RALYL: variants seen among roughly 807,000 people sequenced by gnomAD.
RALYL encodes RNA-binding Raly-like protein.
A neutral mutation model predicts 35.1 loss-of-function variants in RALYL; 29 were observed. The ratio of observed to expected loss-of-function variants is 0.83; its 90% confidence interval spans 0.61 to 1.13. The LOEUF (loss-of-function observed/expected upper bound fraction) is 1.13. Ranked by LOEUF, RALYL falls within the 50% of genes most tolerant of loss-of-function variation. The pLI is 0.00. For missense variants in RALYL, 359 were observed against 360.4 expected, an observed-to-expected ratio of 1.00 and a Z score of 0.03; for synonymous variants, 120 against 127.6, an observed-to-expected ratio of 0.94 and a Z score of 0.40.
chr8:84,675,142 G>C (rs1016039227), intron 2 of RALYL, among the ~76,000 whole-genome samples: 24 of 152,032 alleles, frequency 1.6e-4, no homozygotes, highest in African/African-American at 5.8e-4. Context: ...TGCTGTTTGA[G>C]AAATACATTT....
chr8:84,696,608 A>G (rs1839195407), intron 2 of RALYL, among the ~76,000 whole-genome samples: 1 of 151,976 alleles, frequency 6.6e-6, no homozygotes, highest in Admixed American at 6.6e-5. Context: ...CATGATTTAA[A>G]AATATTAAAA....
chr8:84,796,397 A>G (rs890326209), intron 3 of RALYL, among the ~76,000 whole-genome samples: 2 of 152,172 alleles, frequency 1.3e-5, no homozygotes, highest in Admixed American at 1.3e-4. Flanking sequence ...TAGATCTCAG[A>G]ATTCACCTAC....
intron 1 of RALYL, among the ~76,000 whole-genome samples, chr8:84,452,968 T>C (rs2049679888): frequency 6.6e-6 from 1 of 151,974 alleles, no homozygotes; most frequent in East Asian, 1.9e-4. Context: ...CTCGTTTGAA[T>C]ACACTGCTTA....
chr8:84,605,372 C>A (rs534802327), intron 2 of RALYL, among the ~76,000 whole-genome samples: 1 of 152,156 alleles, frequency 6.6e-6, no homozygotes, highest in Admixed American at 6.5e-5. Flanking sequence ...TCCACAAAAA[C>A]CAACATTTGC....
chr8:84,636,875 T>C (rs1825177982), intron 2 of RALYL, among the ~76,000 whole-genome samples: 1 of 151,854 alleles, frequency 6.6e-6, no homozygotes, highest in African/African-American at 2.4e-5. Context: ...CAGTATCATG[T>C]TTCTTGCAGA....
At chr8:84,339,778 C>T (rs956005918) in intron 1 of RALYL, among the ~76,000 whole-genome samples, 4 of 151,968 alleles carry the variant, frequency 2.6e-5, no homozygotes, top group Non-Finnish European at 5.9e-5. Context: ...CTGAAATCGA[C>T]CTATGCCTCT....
intron 2 of RALYL, among the ~76,000 whole-genome samples, chr8:84,677,149 A>G (rs1293190397): frequency 6.6e-6 from 1 of 152,206 alleles, no homozygotes; most frequent in African/African-American, 2.4e-5. Flanking sequence ...GGAATGAAGA[A>G]GCCAAAAGAT....
intron 2 of RALYL, among the ~76,000 whole-genome samples, chr8:84,712,445 C>T (rs1336422567): frequency 6.7e-6 from 1 of 149,970 alleles, no homozygotes; most frequent in Non-Finnish European, 1.5e-5. Context: ...TATATTATCT[C>T]TCTCTCTTTC....
intron 2 of RALYL, among the ~76,000 whole-genome samples, chr8:84,687,354 A>T (rs926452576): frequency 1.3e-5 from 2 of 152,098 alleles, no homozygotes; most frequent in African/African-American, 4.8e-5. Context: ...AGTATTGTAT[A>T]TCTGTACTCA....
chr8:84,700,660 A>G (rs1840028962), intron 2 of RALYL, among the ~76,000 whole-genome samples: 1 of 152,172 alleles, frequency 6.6e-6, no homozygotes, highest in Admixed American at 6.6e-5. Context: ...AATAAAGTAA[A>G]ATGAGGTGTT....
intron 2 of RALYL, among the ~76,000 whole-genome samples, chr8:84,718,789 GA>G (rs1310178795): frequency 6.6e-6 from 1 of 151,888 alleles, no homozygotes; most frequent in East Asian, 1.9e-4. Context: ...AGAAAGAAAA[GA>G]AAATAAACGT....
intron 1 of RALYL, among the ~76,000 whole-genome samples, chr8:84,418,758 C>T (rs1441296849): frequency 6.6e-6 from 1 of 151,802 alleles, no homozygotes; most frequent in Non-Finnish European, 1.5e-5. Flanking sequence ...TCAACTTTTA[C>T]ATGCAATACC....
At chr8:84,650,767 G>A (rs373717080) in intron 2 of RALYL, among the ~76,000 whole-genome samples, 2 of 150,716 alleles carry the variant, frequency 1.3e-5, no homozygotes, top group Admixed American at 6.6e-5. Context: ...AAAGACACAT[G>A]CACACGTATG....
At chr8:84,640,740 AACAGTGTGAC>A (rs1177558433) in intron 2 of RALYL, among the ~76,000 whole-genome samples, 2 of 151,986 alleles carry the variant, frequency 1.3e-5, no homozygotes, top group Non-Finnish European at 2.9e-5. Context: ...AAAAGCTAAA[AACAGTGTGAC>A]ACCACAGAAG....
rs563077722 is a variant in RALYL at position 84,216,008 on chromosome 8, T to C, written c.-24+31584T>C. Among the ~76,000 whole-genome samples, 14 of 152,236 alleles carry C rather than the reference T, an allele frequency of 9.2e-5. No individual in the cohort carries two copies. The South Asian group carries it at 2.9e-3, about 32-fold the overall frequency. ...CAAAATTTATAGTCCCAGAGTAACA[T>C]TTGACAATAAATGATAACTTCAGTA... is the stretch of plus-strand genomic sequence containing the variant. On this transcript the variant is annotated intron_variant, in intron 1 of 8. Transcript: ENST00000521268.
intron 3 of RALYL, among the ~76,000 whole-genome samples, chr8:84,797,753 G>A (rs746990641): frequency 1.3e-5 from 2 of 152,136 alleles, no homozygotes; most frequent in African/African-American, 4.8e-5. Flanking sequence ...CCTGTAAATC[G>A]ACTTTAGTGG....
chr8:84,278,209 A>G (rs1015987275), intron 1 of RALYL, among the ~76,000 whole-genome samples: 1 of 152,196 alleles, frequency 6.6e-6, no homozygotes, highest in Non-Finnish European at 1.5e-5. Context: ...GCTCAACACC[A>G]TGTGTAAACC....
At chr8:84,401,273 A>T (rs960702744) in intron 1 of RALYL, among the ~76,000 whole-genome samples, 2 of 151,996 alleles carry the variant, frequency 1.3e-5, no homozygotes, top group African/African-American at 4.8e-5. Flanking sequence ...CTATTAAAAA[A>T]TGAACTTCAT....
chr8:84,367,339 T>G lies in RALYL; in HGVS notation c.-23-161960T>G, dbSNP rs1169487828. Among the ~76,000 whole-genome samples the G allele has an allele frequency of 8.0e-3, 512 of 63,856 alleles. 22 individuals are homozygous for G. The highest frequency in any genetic ancestry group is 0.058 in the African/African-American group (473 of 8,102). The allele number at this position is 63,856 out of a possible 152,430, so 41.9% of individuals were successfully genotyped here. A position where few individuals can be genotyped will look rare whatever the true frequency, so the allele number is the denominator to read the frequency against. Reference sequence around the variant, plus strand: ...TTGTATTTTTTTTTTTTTTTTTTTTTTTTTTTTTTTTTTTTTTTTTTTTTT... The same window carrying G: ...TTGTATTTTTTTTTTTTTTTTTTTTGTTTTTTTTTTTTTTTTTTTTTTTTT... On this transcript the variant is annotated intron_variant, in intron 1 of 8. Transcript: ENST00000521268.
Sources: allele counts gnomAD v4.1 joint callset (sites outside exome capture counted in the v4.1 genomes callset), GRCh38; gene constraint gnomAD v4.1.1; transcripts MANE v1.5; gene names NCBI Gene and HGNC (gene_info 2026-07-23, HGNC 2026-07-21).